Variants in PPP4R1 observed in about 807,000 individuals in gnomAD.
The protein encoded by PPP4R1 is protein phosphatase 4 regulatory subunit 1.
PPP4R1 carries 42 observed loss-of-function variants against 111.2 expected under a neutral mutation model. The observed-to-expected ratio is 0.38, with a 90% CI of 0.29 to 0.49. The LOEUF (loss-of-function observed/expected upper bound fraction) is 0.49, where lower values mean the gene tolerates loss of function less well. Ranked by LOEUF, PPP4R1 falls within the 20% of genes least tolerant of loss-of-function variation. The pLI is 0.97. For missense variants in PPP4R1, 1,012 were observed against 1,161.6 expected (o/e 0.87, Z 1.87); for synonymous variants, 409 against 405.5 (o/e 1.01, Z -0.10).
intron 10 of PPP4R1, among the ~76,000 whole-genome samples, chr18:9,572,682 T>C (rs568647490): frequency 6.6e-6 from 1 of 152,326 alleles, no homozygotes; most frequent in Admixed American, 6.5e-5. Flanking sequence ...ACTTAAACAG[T>C]CACCATCTAC....
intron 6 of PPP4R1, among the ~76,000 whole-genome samples, chr18:9,587,888 G>A (rs974824268): frequency 6.6e-6 from 1 of 150,818 alleles, no homozygotes; most frequent in Non-Finnish European, 1.5e-5. Context: ...GCTAATTTTT[G>A]TATTTTTTTG....
chr18:9,570,582 A>G lies in PPP4R1; in HGVS notation c.1148T>C (p.Met383Thr). ...GGATGCCTCAGCAGCATGGTCTTCC[A>G]TCGTGTTTTCCAGTATGACACTGGA... ...SNSSVILENTMEDHAAEASGK... is the reference protein window; with the variant it reads ...SNSSVILENTTEDHAAEASGK... Residue 383 changes from methionine to threonine, a missense_variant, in exon 11 of 20, where the codon ATG (methionine) becomes ACG (threonine). Met to Thr is a moderately conservative substitution (Grantham distance 81). Coordinates refer to ENST00000400556, the MANE Select transcript of PPP4R1 (RefSeq NM_001042388.3). 1 of 1,614,214 alleles carries G rather than the reference A, an allele frequency of 6.2e-7. No individual in the cohort carries two copies. The highest frequency in any genetic ancestry group is 1.7e-5 in the Admixed American group (1 of 60,022).
intron 6 of PPP4R1, among the ~76,000 whole-genome samples, chr18:9,587,713 A>AT (rs912122441): frequency 5.2e-4 from 66 of 126,796 alleles, no homozygotes; most frequent in Middle Eastern, 6.3e-3. Flanking sequence ...GCCCAGCCTA[A>AT]TTTTTTTTTT....
intron 2 of PPP4R1, among the ~76,000 whole-genome samples, chr18:9,611,855 T>C (rs1598972179): frequency 6.6e-6 from 1 of 151,206 alleles, no homozygotes; most frequent in African/African-American, 2.5e-5. Flanking sequence ...CTACTAAAAG[T>C]ACAAAATTAG....
intron 2 of PPP4R1, among the ~76,000 whole-genome samples, chr18:9,611,343 A>G (rs759589292): frequency 6.6e-6 from 1 of 152,186 alleles, no homozygotes; most frequent in Non-Finnish European, 1.5e-5. Flanking sequence ...CAACCGTGTT[A>G]TAAGGGCAGC....
At position 9,593,806 on chromosome 18, in the gene PPP4R1, G is replaced by T; in HGVS notation, c.257C>A (p.Ala86Asp). The T allele has an allele frequency of 6.2e-7, 1 of 1,613,794 alleles. No homozygotes were observed. Among genetic ancestry groups the T allele is most frequent in the South Asian group, 1.1e-5 (1 of 91,070 alleles). The change falls in exon 4 of 20, where the codon GCT becomes GAT. Residue 86 changes from alanine to aspartate, a missense_variant. By Grantham distance (126) the Ala-to-Asp change is moderately radical (BLOSUM62 -2). This residue lies in a region of PPP4R1 where 707 missense variants were observed against 742.1 expected (regional missense o/e 0.95). Coordinates refer to ENST00000400556, the MANE Select transcript of PPP4R1 (RefSeq NM_001042388.3). The stretch of plus-strand genomic sequence containing the variant: ...CAATCTGCTAATTCTTTCCAAAACA[G>T]CAATACAATCTCTTTCATCATCGCA... Reference protein sequence around the residue: ...EVCDDERDCIAVLERISRLAD... With the variant: ...EVCDDERDCIDVLERISRLAD...
At chr18:9,559,668 T>C in intron 13 of PPP4R1, 64 bp from the exon 14 acceptor site, 11 of 1,250,964 alleles carry the variant, frequency 8.8e-6, no homozygotes, top group Non-Finnish European at 1.2e-5. Flanking sequence ...AGTTTAGACA[T>C]AAATTGGGCA....
intron 11 of PPP4R1, among the ~76,000 whole-genome samples, chr18:9,564,823 CTTTTT>C (rs35434912): frequency 7.1e-6 from 1 of 141,750 alleles, no homozygotes; most frequent in Non-Finnish European, 1.5e-5. Flanking sequence ...TACACTTTGG[CTTTTT>C]TTTTTTTTCT....
intron 2 of PPP4R1, among the ~76,000 whole-genome samples, chr18:9,596,717 T>C (rs1300437856): frequency 6.6e-6 from 1 of 152,194 alleles, no homozygotes; most frequent in East Asian, 1.9e-4. Context: ...TTATTGCTGT[T>C]AGGGCATTTT....
chr18:9,549,366 C>T, intron 18 of PPP4R1, 28 bp from the exon 19 acceptor site: 1 of 1,570,546 alleles, frequency 6.4e-7, no homozygotes, highest in African/African-American at 1.3e-5. Flanking sequence ...CTGCTCTAGG[C>T]TTCTCTGTCA....
At chr18:9,571,539 A>G (rs560312828) in intron 10 of PPP4R1, among the ~76,000 whole-genome samples, 15 of 152,358 alleles carry the variant, frequency 9.8e-5, no homozygotes, top group African/African-American at 3.1e-4. Flanking sequence ...AAATGAAGAT[A>G]TATCAGCAAA....
At chr18:9,592,333 T>C (rs1234796959) in intron 4 of PPP4R1, among the ~76,000 whole-genome samples, 2 of 152,220 alleles carry the variant, frequency 1.3e-5, no homozygotes, top group Non-Finnish European at 2.9e-5. Flanking sequence ...GGCCACCATC[T>C]TGAACTCCTT....
At chr18:9,561,264 A>AAT (rs2066672514) in intron 13 of PPP4R1, among the ~76,000 whole-genome samples, 1 of 143,398 alleles carries the variant, frequency 7.0e-6, no homozygotes, top group Non-Finnish European at 1.6e-5. Flanking sequence ...ATAATAATAA[A>AAT]GTCATAGAAG....
chr18:9,561,383 G>A (rs560266789), intron 13 of PPP4R1, among the ~76,000 whole-genome samples: 2 of 152,176 alleles, frequency 1.3e-5, no homozygotes, highest in East Asian at 1.9e-4. Context: ...TGGAGACCAC[G>A]GGTGTGGCAT....
intron 11 of PPP4R1, among the ~76,000 whole-genome samples, chr18:9,568,225 ATGTTG>A (rs1401441798): frequency 6.6e-6 from 1 of 152,086 alleles, no homozygotes; most frequent in Non-Finnish European, 1.5e-5. Context: ...GGGTCTTGCT[ATGTTG>A]CCCAAACTGG....
In PPP4R1 at chr18:9,593,813, A is replaced by T. The variant is rs1314294394; in HGVS notation, c.250T>A (p.Cys84Ser). Residue 84 changes from cysteine (C) to serine (S), a missense_variant, in exon 4 of 20, where the codon TGT (cysteine) becomes AGT (serine). Coordinates refer to ENST00000400556, the MANE Select transcript of PPP4R1 (RefSeq NM_001042388.3). ...CTAATTCTTTCCAAAACAGCAATACAATCTCTTTCATCATCGCAGACTTCC... is the reference window on the plus strand; with the variant it reads ...CTAATTCTTTCCAAAACAGCAATACTATCTCTTTCATCATCGCAGACTTCC... Reference protein sequence around the residue: ...LREVCDDERDCIAVLERISRL... With the variant: ...LREVCDDERDSIAVLERISRL... The T allele has an allele frequency of 6.2e-7, 1 of 1,613,932 alleles. No individual in the cohort carries two copies. The highest frequency in any genetic ancestry group is 1.7e-5 in the Admixed American group (1 of 60,000).
chr18:9,556,974 A>G (rs2066597992), intron 15 of PPP4R1: 1 of 310,592 alleles, frequency 3.2e-6, no homozygotes, highest in African/African-American at 2.2e-5. Context: ...TTTAACATAC[A>G]TTTCACTCAA....
chr18:9,564,525 T>G (rs916759371), intron 11 of PPP4R1, among the ~76,000 whole-genome samples: 2 of 152,162 alleles, frequency 1.3e-5, no homozygotes, highest in African/African-American at 4.8e-5. Context: ...CACAAAAAGT[T>G]GTAGTGGAAT....
At chr18:9,577,663 T>TA (rs71168071) in intron 9 of PPP4R1, among the ~76,000 whole-genome samples, 2,546 of 148,426 alleles carry the variant, frequency 0.017, 29 homozygotes, top group Non-Finnish European at 0.028. Flanking sequence ...CAAGACTGTC[T>TA]AAAAAAAAAA....
Sources: allele counts gnomAD v4.1 joint callset (sites outside exome capture counted in the v4.1 genomes callset), GRCh38; gene constraint gnomAD v4.1.1; regional missense constraint gnomAD v4.1.1; transcripts MANE v1.5; gene names NCBI Gene and HGNC (gene_info 2026-07-23, HGNC 2026-07-21).